The following SOHLH2 variants were observed in gnomAD, a reference collection of about 807,000 sequenced individuals.
SOHLH2 encodes the protein spermatogenesis- and oogenesis-specific basic helix-loop-helix-containing protein 2.
In SOHLH2, 22 loss-of-function variants were observed where a neutral mutation model predicts 50.4. The ratio of observed to expected loss-of-function variants is 0.44; its 90% CI spans 0.31 to 0.62. SOHLH2 has a LOEUF of 0.62. Among genes scored for constraint, SOHLH2 ranks in the 20% least tolerant of loss-of-function variants. The pLI is 0.08. For synonymous variants in SOHLH2, 185 were observed against 187.3 expected, an observed-to-expected ratio of 0.99 and a Z score of 0.10; for missense variants, 412 against 504.4, an observed-to-expected ratio of 0.82 and a Z score of 1.76.
intron 6 of SOHLH2, among the ~76,000 whole-genome samples, chr13:36,186,803 A>C (rs1400967831): frequency 1.3e-5 from 2 of 152,194 alleles, no homozygotes; most frequent in East Asian, 3.8e-4. Context: ...CAGAGAAAAA[A>C]ATTTCCCAAG....
At chr13:36,180,049 G>C (rs1384133435) in intron 6 of SOHLH2, among the ~76,000 whole-genome samples, 2 of 152,086 alleles carry the variant, frequency 1.3e-5, no homozygotes, top group Non-Finnish European at 2.9e-5. Context: ...GTAAGGTTTT[G>C]ATAACAAGTT....
chr13:36,201,048 CAAAAAAAA>C (rs10660002), intron 2 of SOHLH2, among the ~76,000 whole-genome samples: 3 of 55,962 alleles, frequency 5.4e-5, no homozygotes, highest in African/African-American at 7.5e-5. Flanking sequence ...GACTCTGCCT[CAAAAAAAA>C]AAAAAAAAAA....
chr13:36,174,132 C>T (rs950658221), intron 8 of SOHLH2, among the ~76,000 whole-genome samples: 1 of 152,316 alleles, frequency 6.6e-6, no homozygotes, highest in African/African-American at 2.4e-5. Flanking sequence ...AGCTCCAGGG[C>T]CCGAGACCTC....
At chr13:36,183,269 A>G in intron 6 of SOHLH2, 1 of 246,016 alleles carries the variant, frequency 4.1e-6, no homozygotes, top group Non-Finnish European at 9.2e-6. Context: ...CTTTATAGCA[A>G]CACAAGAATG....
chr13:36,192,259 G>A (rs17053623), intron 4 of SOHLH2, among the ~76,000 whole-genome samples: 2,257 of 152,190 alleles, frequency 0.015, 54 homozygotes, highest in African/African-American at 0.048. Flanking sequence ...CTGCACTGTC[G>A]AAATATAGCA....
chr13:36,192,072 G>C (rs919258196), intron 4 of SOHLH2, among the ~76,000 whole-genome samples, 178 bp from the exon 5 acceptor site: 2 of 152,106 alleles, frequency 1.3e-5, no homozygotes, highest in Non-Finnish European at 2.9e-5. Flanking sequence ...AACCACCTAG[G>C]TTAGAAAGCA....
chr13:36,173,734 A>T lies in SOHLH2; in HGVS notation c.958T>A (p.Ser320Thr). ...AAGGAGCTCTCTGCATCAGGAGTGG[A>T]GCACCCATTCCAGCACGTATTAGTC... ...FLTNTCWNGC[S>T]TPDAESSLDE... Residue 320 changes from serine (S) to threonine (T), a missense_variant, in exon 9 of 11, where the codon TCC (serine) becomes ACC (threonine). Coordinates refer to ENST00000379881, the MANE Select transcript of SOHLH2 (RefSeq NM_017826.3). 1 of 1,613,752 alleles carries T rather than the reference A, an allele frequency of 6.2e-7. No homozygotes were observed. Among genetic ancestry groups the T allele is most frequent in the Non-Finnish European group, 8.5e-7 (1 of 1,179,986 alleles).
chr13:36,209,502 T>C (rs754656939), intron 1 of SOHLH2, among the ~76,000 whole-genome samples: 4 of 152,168 alleles, frequency 2.6e-5, no homozygotes, highest in Non-Finnish European at 5.9e-5. Flanking sequence ...TTCTAGTTCA[T>C]AGATGGCAAT....
intron 6 of SOHLH2, chr13:36,182,849 A>T (rs1887295496): frequency 6.5e-6 from 1 of 153,814 alleles, no homozygotes; most frequent in Admixed American, 6.5e-5. Context: ...CTGTTTAAGC[A>T]AAACAAATAA....
In SOHLH2 at chr13:36,202,079, G is replaced by A. The variant is rs199652715; in HGVS notation, c.63C>T (p.Ile21=). ...CCACAGTGACATCTCCAACTAATAA[G>A]ATGTCTATTTTTGCCTGAAAGAGAA... ...CQISGQAKID[I]LLVGDVTVGY... Residue 21 remains isoleucine, a synonymous_variant, in exon 2 of 11, where the codon ATC becomes ATT. Transcript: ENST00000379881. The A allele has an allele frequency of 6.2e-6, 10 of 1,614,166 alleles. No homozygotes were observed. The Admixed American group carries it at 8.3e-5, about 13-fold the overall frequency.
chr13:36,202,871 T>C (rs189761825), intron 1 of SOHLH2, among the ~76,000 whole-genome samples: 70 of 152,248 alleles, frequency 4.6e-4, no homozygotes, highest in Non-Finnish European at 8.7e-4. Context: ...GGGCTGGAAA[T>C]ACTTGTACAA....
At chr13:36,212,446 ATTTAG>A (rs1343986807) in intron 1 of SOHLH2, among the ~76,000 whole-genome samples, 1 of 152,248 alleles carries the variant, frequency 6.6e-6, no homozygotes, top group African/African-American at 2.4e-5. Flanking sequence ...CTGAATATTT[ATTTAG>A]TTTAAAATAT....
chr13:36,199,013 A>T (rs1422672701), intron 2 of SOHLH2, among the ~76,000 whole-genome samples: 1 of 152,228 alleles, frequency 6.6e-6, no homozygotes, highest in Non-Finnish European at 1.5e-5. Context: ...AAAATTTAAA[A>T]TACAGCAGAA....
intron 6 of SOHLH2, chr13:36,181,942 TG>T: frequency 1.4e-6 from 1 of 728,450 alleles, no homozygotes; most frequent in African/African-American, 1.9e-5. Flanking sequence ...TAATATCTGA[TG>T]GAAATATGAT....
At position 36,168,714 on chromosome 13, in the gene SOHLH2, CA is replaced by C; in HGVS notation, c.*319del. 2.6e-6 allele frequency: 1 copy of C among 380,526 alleles called. No individual in the cohort carries two copies. The highest frequency in any genetic ancestry group is 4.2e-5 in the East Asian group (1 of 23,790). The allele number at this position is 380,526 out of a possible 1,614,324, so 23.6% of individuals were successfully genotyped here. On this transcript the variant is annotated 3_prime_UTR_variant, in exon 11 of 11. Coordinates refer to ENST00000379881, the MANE Select transcript of SOHLH2 (RefSeq NM_017826.3). ...GTGTCTACATGGATCTTCCTTATAG[CA>C]TGCTTTTTTCATAAATTGTGGAATA...
chr13:36,187,442 G>A (rs527303149), intron 6 of SOHLH2, among the ~76,000 whole-genome samples: 1 of 152,262 alleles, frequency 6.6e-6, no homozygotes, highest in South Asian at 2.1e-4. Context: ...AATACTCAGT[G>A]CACTGTATTT....
chr13:36,179,812 C>T (rs936664728), intron 6 of SOHLH2, among the ~76,000 whole-genome samples: 1 of 152,032 alleles, frequency 6.6e-6, no homozygotes, highest in African/African-American at 2.4e-5. Context: ...ATTTAATTTG[C>T]TAAAATTATG....
At chr13:36,173,839 C>T (rs1221876298) in intron 8 of SOHLH2, 29 bp from the exon 9 acceptor site, 2 of 1,612,614 alleles carry the variant, frequency 1.2e-6, no homozygotes, top group South Asian at 1.1e-5. Context: ...ATTATTTGCA[C>T]ATTTTTCAAG....
intron 5 of SOHLH2, 44 bp downstream of exon 5, chr13:36,191,751 T>C: frequency 3.7e-6 from 6 of 1,610,054 alleles, no homozygotes; most frequent in Non-Finnish European, 5.1e-6. Flanking sequence ...AATCAATAAG[T>C]TCTCTAAAAA....
Sources: allele counts gnomAD v4.1 joint callset (sites outside exome capture counted in the v4.1 genomes callset), GRCh38; gene constraint gnomAD v4.1.1; transcripts MANE v1.5; gene names NCBI Gene and HGNC (gene_info 2026-07-23, HGNC 2026-07-21).